ATP8A1: variants seen among roughly 807,000 people sequenced by gnomAD.
ATP8A1 encodes the protein phospholipid-transporting ATPase IA.
Under a neutral mutation model 177.7 loss-of-function variants are expected in ATP8A1, and 90 were observed. That is an observed-to-expected ratio of 0.51 (90% CI 0.43 to 0.60). The LOEUF is 0.60. Ranked by LOEUF, ATP8A1 falls within the 20% of genes least tolerant of loss-of-function variation. The pLI is 0.00. For missense variants in ATP8A1, 1,072 were observed against 1,392.8 expected (o/e 0.77, Z 3.67); for synonymous variants, 493 against 485.9 (o/e 1.01, Z -0.19).
Position 42,569,145 on chromosome 4 carries a change from G to A in ATP8A1, c.1340+16C>T. On this transcript the variant is annotated intron_variant, in intron 15 of 36. Coordinates refer to ENST00000381668, the MANE Select transcript of ATP8A1 (RefSeq NM_006095.2). ...TTTATAGGGATCAATGAGGCAGAAA[G>A]TTCCATAGAGCTTACCATTCATCAG... 6.3e-7 allele frequency: 1 copy of A among 1,582,336 alleles called. No individual in the cohort carries two copies. Among genetic ancestry groups the A allele is most frequent in the Non-Finnish European group, 8.6e-7 (1 of 1,163,508 alleles).
chr4:42,604,842 C>T (rs1735634889), intron 5 of ATP8A1, among the ~76,000 whole-genome samples: 1 of 152,098 alleles, frequency 6.6e-6, no homozygotes, highest in African/African-American at 2.4e-5. Flanking sequence ...GTTATTCTGC[C>T]ATAAAAATAA....
intron 6 of ATP8A1, among the ~76,000 whole-genome samples, chr4:42,594,058 T>C (rs943931456): frequency 6.6e-6 from 1 of 151,914 alleles, no homozygotes; most frequent in Non-Finnish European, 1.5e-5. Flanking sequence ...AGAGGGAGAG[T>C]AGACTCTTAA....
chr4:42,441,261 A>G (rs1560327081), intron 33 of ATP8A1, among the ~76,000 whole-genome samples: 1 of 152,194 alleles, frequency 6.6e-6, no homozygotes, highest in Non-Finnish European at 1.5e-5. Context: ...TAACAGTTGA[A>G]TAAGCTTTAA....
chr4:42,630,418 A>C (rs1052284063), intron 1 of ATP8A1, among the ~76,000 whole-genome samples: 8 of 152,136 alleles, frequency 5.3e-5, no homozygotes, highest in African/African-American at 9.7e-5. Context: ...GAAAACTCTG[A>C]CGCTTTTATG....
chr4:42,527,272 T>C (rs1240807854), intron 20 of ATP8A1, among the ~76,000 whole-genome samples: 2 of 152,152 alleles, frequency 1.3e-5, no homozygotes, highest in Admixed American at 6.5e-5. Context: ...GAAAGGTGCA[T>C]GCGTAGCCTC....
chr4:42,490,601 C>G (rs1369698367), intron 24 of ATP8A1, among the ~76,000 whole-genome samples: 1 of 152,162 alleles, frequency 6.6e-6, no homozygotes, highest in Non-Finnish European at 1.5e-5. Flanking sequence ...TTTACCTAAT[C>G]CCCTCTAGTT....
chr4:42,575,858 G>A (rs1446626389), intron 12 of ATP8A1, among the ~76,000 whole-genome samples, 159 bp from the exon 13 acceptor site: 1 of 152,228 alleles, frequency 6.6e-6, no homozygotes, highest in Non-Finnish European at 1.5e-5. Context: ...CATTTAATTC[G>A]ATTTTTCTGA....
intron 20 of ATP8A1, among the ~76,000 whole-genome samples, chr4:42,526,635 G>T (rs570944443): frequency 6.6e-6 from 1 of 152,240 alleles, no homozygotes; most frequent in East Asian, 1.9e-4. Flanking sequence ...GGCTCTCCTT[G>T]CTCCTCAGCC....
At chr4:42,439,544 C>T (rs375599246) in intron 33 of ATP8A1, among the ~76,000 whole-genome samples, 13 of 152,190 alleles carry the variant, frequency 8.5e-5, no homozygotes, top group Admixed American at 7.2e-4. Context: ...CTAGGGGCCC[C>T]GCACCATTAG....
Position 42,556,021 on chromosome 4 carries a change from C to T in ATP8A1, c.1360G>A (p.Asp454Asn), listed in dbSNP as rs778426505. ...PDEWQNSQFG[D>N]EKTFSDSSLL... is the part of the protein sequence containing the mutation. ...GATGAATCACTAAATGTTTTTTCAT[C>T]TCCAAACTGTGAGTTCTGCCTGAAG... The change falls in exon 16 of 37, where the codon GAT (aspartate) becomes AAT (asparagine). Residue 454 changes from aspartate (D) to asparagine (N), a missense_variant. Asp to Asn is a conservative substitution (Grantham distance 23, BLOSUM62 1). Coordinates refer to ENST00000381668, the MANE Select transcript of ATP8A1 (RefSeq NM_006095.2). 2 of 1,611,406 alleles carry T rather than the reference C, an allele frequency of 1.2e-6. No individual in the cohort carries two copies. The highest frequency in any genetic ancestry group is 1.3e-5 in the African/African-American group (1 of 74,796).
intron 5 of ATP8A1, among the ~76,000 whole-genome samples, chr4:42,605,745 G>C (rs966096495): frequency 6.6e-6 from 1 of 152,116 alleles, no homozygotes; most frequent in Non-Finnish European, 1.5e-5. Context: ...TTTGTCTCCA[G>C]CCAAACAGTG....
chr4:42,504,889 T>C (rs1456173163), intron 23 of ATP8A1, among the ~76,000 whole-genome samples: 1 of 152,214 alleles, frequency 6.6e-6, no homozygotes, highest in African/African-American at 2.4e-5. Context: ...TATTCTTTCT[T>C]TTATTTTTGT....
At chr4:42,599,012 G>A (rs1734991750) in intron 6 of ATP8A1, among the ~76,000 whole-genome samples, 1 of 152,096 alleles carries the variant, frequency 6.6e-6, no homozygotes, top group Non-Finnish European at 1.5e-5. Context: ...CTATTATTAT[G>A]GGTAATCCTG....
intron 33 of ATP8A1, among the ~76,000 whole-genome samples, chr4:42,433,647 A>C (rs1309968835): frequency 2.6e-5 from 4 of 152,114 alleles, no homozygotes. Flanking sequence ...CAAACAAACA[A>C]ACAAACAAAC....
At chr4:42,552,670 T>A in intron 16 of ATP8A1, 60 bp from the exon 17 acceptor site, 3 of 1,168,206 alleles carry the variant, frequency 2.6e-6, no homozygotes, top group Non-Finnish European at 3.8e-6. Flanking sequence ...ACACTGACAG[T>A]AATATTACTT....
At chr4:42,478,130 G>A (rs1238643573) in intron 25 of ATP8A1, among the ~76,000 whole-genome samples, 1 of 152,060 alleles carries the variant, frequency 6.6e-6, no homozygotes, top group Non-Finnish European at 1.5e-5. Context: ...TGAGGCAGGT[G>A]GATCCCTTGA....
chr4:42,641,139 T>C (rs1416060130), intron 1 of ATP8A1, among the ~76,000 whole-genome samples: 2 of 151,752 alleles, frequency 1.3e-5, no homozygotes. Flanking sequence ...TAAGGACACA[T>C]GACACGATTA....
chr4:42,451,308 G>A (rs568316528), intron 30 of ATP8A1, among the ~76,000 whole-genome samples: 4 of 152,238 alleles, frequency 2.6e-5, no homozygotes, highest in East Asian at 1.9e-4. Context: ...TTTGATTACC[G>A]TAGTATTGAA....
chr4:42,476,630 A>C (rs1304402554), intron 25 of ATP8A1, among the ~76,000 whole-genome samples: 1 of 152,014 alleles, frequency 6.6e-6, no homozygotes, highest in Non-Finnish European at 1.5e-5. Flanking sequence ...AAAAAAAGTT[A>C]ACAGAAGAAC....
Sources: gnomAD v4.1 joint callset for allele counts (sites outside exome capture counted in the v4.1 genomes callset) on GRCh38, gnomAD v4.1.1 for gene constraint, MANE v1.5 for transcripts, NCBI Gene and HGNC (gene_info 2026-07-23, HGNC 2026-07-21) for gene names.